AGBL4: variants seen among roughly 807,000 people sequenced by gnomAD.
AGBL4 encodes AGBL carboxypeptidase 4.
Under a neutral mutation model 66.4 loss-of-function variants are expected in AGBL4, and 58 were observed. The observed-to-expected ratio is 0.87, with a 90% CI of 0.71 to 1.09. The LOEUF (loss-of-function observed/expected upper bound fraction) is 1.09. Among genes scored for constraint, AGBL4 ranks in the 50% least tolerant of loss-of-function variants. The pLI is 0.00. For synonymous variants in AGBL4, 234 were observed against 222.9 expected (o/e 1.05, Z -0.44); for missense variants, 579 against 631.0 (o/e 0.92, Z 0.88).
At position 49,378,727 on chromosome 1, in the gene AGBL4, C is replaced by T. The variant is rs146224005; in HGVS notation, c.283-132863G>A. ...AAAGGAAGGCTTCTGTAGGAAAAGC[C>T]CCAGACTGTGATGTAGTTCAGAGAA... On this transcript the variant is annotated intron_variant, in intron 3 of 13. Coordinates refer to ENST00000371839, the MANE Select transcript of AGBL4 (RefSeq NM_032785.4). Among the ~76,000 whole-genome samples the T allele has an allele frequency of 3.2e-3, 486 of 152,170 alleles. 5 individuals are homozygous for T. Among genetic ancestry groups the T allele is most frequent in the African/African-American group, 0.011 (470 of 41,548 alleles).
intron 3 of AGBL4, among the ~76,000 whole-genome samples, chr1:49,525,104 A>G (rs564463820): frequency 6.6e-6 from 1 of 152,088 alleles, no homozygotes; most frequent in East Asian, 1.9e-4. Context: ...CTCAGCTTAT[A>G]TTTACTGAAT....
chr1:48,815,674 C>CA (rs1415370933), intron 6 of AGBL4, among the ~76,000 whole-genome samples: 8 of 152,114 alleles, frequency 5.3e-5, no homozygotes, highest in African/African-American at 1.9e-4. Context: ...ACCTGGCACA[C>CA]AGTAGGTAGA....
At chr1:49,582,026 C>T (rs1346036886) in intron 3 of AGBL4, among the ~76,000 whole-genome samples, 4 of 152,090 alleles carry the variant, frequency 2.6e-5, no homozygotes, top group African/African-American at 9.7e-5. Context: ...GTGGCACTTG[C>T]AGGTAGAAAC....
rs375585703 is a variant in AGBL4, at chr1:49,160,141, A to G, written c.377+85629T>C. 3.4e-4 allele frequency among the ~76,000 whole-genome samples: 51 copies of G among 152,142 alleles called. 1 individual carries two copies. The South Asian group carries it at 9.6e-3, about 29-fold the overall frequency. On this transcript the variant is annotated intron_variant, in intron 4 of 13. Coordinates refer to ENST00000371839, the MANE Select transcript of AGBL4 (RefSeq NM_032785.4). ...GTTGTGATACTTTGGAGGAGAAGAG[A>G]TGTTCTGGTTTTTGGAATTTTCAGC...
chr1:49,373,134 CTG>C (rs1287152180), intron 3 of AGBL4, among the ~76,000 whole-genome samples: 1 of 152,214 alleles, frequency 6.6e-6, no homozygotes, highest in Admixed American at 6.5e-5. Context: ...CTTCTACACT[CTG>C]TATCTCTCTG....
At chr1:49,824,666 G>C (rs539849044) in intron 2 of AGBL4, among the ~76,000 whole-genome samples, 1 of 152,312 alleles carries the variant, frequency 6.6e-6, no homozygotes, top group East Asian at 1.9e-4. Context: ...AGAAAGAAGG[G>C]TAGGAATGGC....
At chr1:49,417,589 T>C in intron 3 of AGBL4, among the ~76,000 whole-genome samples, 1 of 152,134 alleles carries the variant, frequency 6.6e-6, no homozygotes, top group South Asian at 2.1e-4. Flanking sequence ...TAATATGGCA[T>C]GGTCTAAAAT....
At chr1:49,817,050 T>C (rs1458450533) in intron 2 of AGBL4, among the ~76,000 whole-genome samples, 1 of 152,196 alleles carries the variant, frequency 6.6e-6, no homozygotes, top group Non-Finnish European at 1.5e-5. Flanking sequence ...CCCACATCCC[T>C]GAAGAGGCAG....
chr1:48,970,783 C>T (rs1658838199), intron 5 of AGBL4, among the ~76,000 whole-genome samples: 1 of 152,108 alleles, frequency 6.6e-6, no homozygotes. Flanking sequence ...AAGCACAGCA[C>T]AGAGCATCAA....
At chr1:48,854,900 T>C (rs552098190) in intron 6 of AGBL4, among the ~76,000 whole-genome samples, 2 of 152,260 alleles carry the variant, frequency 1.3e-5, no homozygotes, top group South Asian at 4.2e-4. Flanking sequence ...CTGAGAAAGT[T>C]GAGTTAAGAG....
chr1:49,560,949 G>C (rs1644024055), intron 3 of AGBL4, among the ~76,000 whole-genome samples: 1 of 152,024 alleles, frequency 6.6e-6, no homozygotes, highest in African/African-American at 2.4e-5. Context: ...CCGTCCTAAA[G>C]GAATGCTAAA....
rs545482183 is a variant in AGBL4, at chr1:49,602,434, A to C, written c.282+94879T>G. Among the ~76,000 whole-genome samples, 94 of 152,300 alleles carry C rather than the reference A, an allele frequency of 6.2e-4. 1 individual carries two copies. The highest frequency in any genetic ancestry group is 2.0e-3 in the African/African-American group (84 of 41,564). ...ACTGTTCACAATAGCAAAGACTTGG[A>C]ACCAACCCAAATGCCCATCAATGAT... On this transcript the variant is annotated intron_variant, in intron 3 of 13. Transcript: ENST00000371839.
intron 4 of AGBL4, among the ~76,000 whole-genome samples, chr1:49,073,489 C>T (rs12049517): frequency 0.044 from 6,703 of 152,118 alleles, 183 homozygotes; most frequent in East Asian, 0.075. Context: ...GTCAGTTTTC[C>T]TTCTAACAGT....
At chr1:49,116,777 A>T (rs569190061) in intron 4 of AGBL4, among the ~76,000 whole-genome samples, 2 of 152,332 alleles carry the variant, frequency 1.3e-5, no homozygotes, top group Non-Finnish European at 1.5e-5. Context: ...CTAATTCCAG[A>T]TACTTGAGGG....
chr1:49,689,996 T>A (rs1646856534), intron 3 of AGBL4, among the ~76,000 whole-genome samples: 1 of 152,150 alleles, frequency 6.6e-6, no homozygotes, highest in Non-Finnish European at 1.5e-5. Flanking sequence ...TGCTGTCTTA[T>A]TTTAAGAAAT....
chr1:49,335,248 C>G (rs1557849089), intron 3 of AGBL4, among the ~76,000 whole-genome samples: 1 of 152,174 alleles, frequency 6.6e-6, no homozygotes, highest in Non-Finnish European at 1.5e-5. Flanking sequence ...TTCTCTCAAA[C>G]TCCACCTAAG....
chr1:49,872,469 T>A (rs1256507326), intron 1 of AGBL4, among the ~76,000 whole-genome samples: 2 of 152,040 alleles, frequency 1.3e-5, no homozygotes, highest in Non-Finnish European at 2.9e-5. Flanking sequence ...CTTTGCCATA[T>A]CTCTTGTCCC....
intron 3 of AGBL4, among the ~76,000 whole-genome samples, chr1:49,277,247 T>G (rs1644185172): frequency 6.6e-6 from 1 of 152,172 alleles, no homozygotes. Flanking sequence ...ACCATTTGAA[T>G]TTGATCATAC....
chr1:49,712,056 T>A (rs1466701455), intron 2 of AGBL4, among the ~76,000 whole-genome samples: 3 of 152,100 alleles, frequency 2.0e-5, no homozygotes, highest in South Asian at 4.1e-4. Flanking sequence ...TTTATATAAA[T>A]AGCTAGAAGA....
Sources: allele counts gnomAD v4.1 joint callset (sites outside exome capture counted in the v4.1 genomes callset), GRCh38; gene constraint gnomAD v4.1.1; transcripts MANE v1.5; gene names NCBI Gene and HGNC (gene_info 2026-07-23, HGNC 2026-07-21).